The following FRMD3 variants were observed in gnomAD, a reference collection of about 807,000 sequenced individuals.
FRMD3 encodes the protein FERM domain-containing protein 3.
Under a neutral mutation model 70.2 loss-of-function variants are expected in FRMD3, and 33 were observed. That is an observed-to-expected ratio of 0.47 (90% confidence interval 0.36 to 0.63). FRMD3 has a LOEUF of 0.63. FRMD3 is among the 20% of genes least tolerant of loss of function. The pLI is 0.00. For synonymous variants in FRMD3, 279 were observed against 255.9 expected (o/e 1.09, Z -0.86); for missense variants, 632 against 711.4 (o/e 0.89, Z 1.27).
intron 5 of FRMD3, among the ~76,000 whole-genome samples, chr9:83,339,297 G>C (rs950186356): frequency 6.6e-6 from 1 of 152,108 alleles, no homozygotes; most frequent in African/African-American, 2.4e-5. Flanking sequence ...GCAGAAGGCA[G>C]GTTTTTTAAA....
intron 3 of FRMD3, among the ~76,000 whole-genome samples, chr9:83,371,329 T>G (rs1240646565): frequency 2.0e-5 from 3 of 152,090 alleles, no homozygotes; most frequent in Non-Finnish European, 4.4e-5. Context: ...TACTTTTTTT[T>G]TTTTTTAAAC....
At chr9:83,439,693 A>G (rs1035296017) in intron 1 of FRMD3, among the ~76,000 whole-genome samples, 2 of 152,030 alleles carry the variant, frequency 1.3e-5, no homozygotes, top group East Asian at 3.8e-4. Context: ...CATTAGATAC[A>G]TATTATGATT....
At chr9:83,351,168 T>C (rs937785984) in intron 3 of FRMD3, among the ~76,000 whole-genome samples, 2 of 152,150 alleles carry the variant, frequency 1.3e-5, no homozygotes, top group Non-Finnish European at 2.9e-5. Context: ...AGACGAATCC[T>C]TTACATAAGA....
At chr9:83,294,537 G>A (rs1420522125) in intron 12 of FRMD3, among the ~76,000 whole-genome samples, 1 of 152,132 alleles carries the variant, frequency 6.6e-6, no homozygotes, top group African/African-American at 2.4e-5. Context: ...AAATTTGAAT[G>A]GCTATCTTCT....
the FRMD3 span, among the ~76,000 whole-genome samples, chr9:83,578,780 A>G: frequency 2.0e-5 from 3 of 152,020 alleles, no homozygotes; most frequent in Non-Finnish European, 2.9e-5. Context: ...GCCCACTCTC[A>G]TCATTTCTTT....
At chr9:83,348,068 A>G (rs1248346857) in intron 4 of FRMD3, among the ~76,000 whole-genome samples, 1 of 152,220 alleles carries the variant, frequency 6.6e-6, no homozygotes, top group African/African-American at 2.4e-5. Flanking sequence ...TTTCAACAAC[A>G]AAATGTCCAT....
chr9:83,442,416 C>T (rs1373074329), intron 1 of FRMD3, among the ~76,000 whole-genome samples: 2 of 151,984 alleles, frequency 1.3e-5, no homozygotes. Flanking sequence ...CACCAGCACA[C>T]CTGGCTAATT....
At chr9:83,539,281 G>A (rs1199662065), upstream of FRMD3, among the ~76,000 whole-genome samples, 1 of 152,214 alleles carries the variant, frequency 6.6e-6, no homozygotes, top group African/African-American at 2.4e-5. Flanking sequence ...TTGAAGGTAG[G>A]AGGTATCCTG....
At chr9:83,378,184 T>A (rs1363046035) in intron 2 of FRMD3, among the ~76,000 whole-genome samples, 1 of 152,002 alleles carries the variant, frequency 6.6e-6, no homozygotes, top group African/African-American at 2.4e-5. Context: ...GCTGTTACCA[T>A]CTTTAGGCTC....
At chr9:83,263,078 T>C (rs972966658) in intron 13 of FRMD3, among the ~76,000 whole-genome samples, 1 of 152,330 alleles carries the variant, frequency 6.6e-6, no homozygotes, top group African/African-American at 2.4e-5. Flanking sequence ...ACTCCTTATC[T>C]GTTGACATTG....
At chr9:83,546,640 G>A in the FRMD3 span, among the ~76,000 whole-genome samples, 1 of 151,976 alleles carries the variant, frequency 6.6e-6, no homozygotes. Context: ...CATTATGACA[G>A]GAACAAAGCT....
chr9:83,400,583 T>G (rs921523825), intron 1 of FRMD3, among the ~76,000 whole-genome samples: 1 of 152,180 alleles, frequency 6.6e-6, no homozygotes, highest in Admixed American at 6.5e-5. Flanking sequence ...GCCAACACAG[T>G]ATTGATGACA....
chr9:83,291,145 G>A (rs1157540015), intron 12 of FRMD3, among the ~76,000 whole-genome samples: 1 of 152,190 alleles, frequency 6.6e-6, no homozygotes, highest in Non-Finnish European at 1.5e-5. Flanking sequence ...AAAAACCCCT[G>A]CCAGATAGAT....
chr9:83,356,528 G>A (rs1313373827), intron 3 of FRMD3, among the ~76,000 whole-genome samples: 2 of 151,408 alleles, frequency 1.3e-5, no homozygotes, highest in African/African-American at 2.4e-5. Flanking sequence ...CGCCCACCTC[G>A]GCCTCCCAAA....
intron 1 of FRMD3, among the ~76,000 whole-genome samples, chr9:83,479,757 AGAAG>A (rs1828515963): frequency 1.4e-5 from 1 of 72,216 alleles, no homozygotes; most frequent in African/African-American, 6.8e-5. Context: ...AAAGAGAAGA[AGAAG>A]GGAGGGAGGG....
intron 6 of FRMD3, among the ~76,000 whole-genome samples, chr9:83,332,902 G>T (rs576526378): frequency 1.3e-5 from 2 of 152,274 alleles, no homozygotes; most frequent in South Asian, 4.1e-4. Flanking sequence ...CCAAGCACAG[G>T]TCTTCTCCAT....
At chr9:83,313,455 C>T (rs1835440051) in intron 7 of FRMD3, among the ~76,000 whole-genome samples, 1 of 152,138 alleles carries the variant, frequency 6.6e-6, no homozygotes. Context: ...TACTACATGG[C>T]AATCAATGAA....
intron 6 of FRMD3, among the ~76,000 whole-genome samples, chr9:83,329,695 AT>A (rs1836173342): frequency 6.6e-6 from 1 of 152,206 alleles, no homozygotes; most frequent in Non-Finnish European, 1.5e-5. Context: ...GCCCCGGATC[AT>A]TATAGTGTGG....
chr9:83,415,791 A>G (rs1373265830), intron 1 of FRMD3, among the ~76,000 whole-genome samples: 1 of 151,770 alleles, frequency 6.6e-6, no homozygotes, highest in Non-Finnish European at 1.5e-5. Flanking sequence ...ACATTATATT[A>G]GCCTTTTATA....
Sources: allele counts gnomAD v4.1 joint callset (sites outside exome capture counted in the v4.1 genomes callset), GRCh38; gene constraint gnomAD v4.1.1; transcripts MANE v1.5; gene names NCBI Gene and HGNC (gene_info 2026-07-23, HGNC 2026-07-21).